The following SPOCK3 variants were observed in gnomAD, a reference collection of about 807,000 sequenced individuals.
SPOCK3 encodes SPARC (osteonectin), cwcv and kazal like domains proteoglycan 3.
A neutral mutation model predicts 56.6 loss-of-function variants in SPOCK3; 30 were observed. The observed-to-expected ratio is 0.53, with a 90% CI of 0.40 to 0.72. The LOEUF is 0.72. Ranked by LOEUF, SPOCK3 falls within the 30% of genes least tolerant of loss-of-function variation. The pLI, the probability that SPOCK3 is intolerant of heterozygous loss-of-function variation, is 0.00. For synonymous variants in SPOCK3, 196 were observed against 183.3 expected, an observed-to-expected ratio of 1.07 and a Z score of -0.56; for missense variants, 527 against 530.0, an observed-to-expected ratio of 0.99 and a Z score of 0.06.
At chr4:166,948,611 GA>G (rs1742081905) in intron 4 of SPOCK3, among the ~76,000 whole-genome samples, 1 of 152,018 alleles carries the variant, frequency 6.6e-6, no homozygotes, top group Non-Finnish European at 1.5e-5. Flanking sequence ...ATTTCCTGAT[GA>G]TTAGTATGTT....
chr4:167,002,671 T>C (rs1045618193), intron 3 of SPOCK3, among the ~76,000 whole-genome samples: 2 of 152,176 alleles, frequency 1.3e-5, no homozygotes, highest in Admixed American at 6.5e-5. Flanking sequence ...TGCTACAACA[T>C]TCTTTTCAGA....
At chr4:166,798,366 C>T (rs906507278) in intron 6 of SPOCK3, among the ~76,000 whole-genome samples, 5 of 152,138 alleles carry the variant, frequency 3.3e-5, no homozygotes, top group Admixed American at 1.3e-4. Context: ...ATGCAAAAGC[C>T]ACTGCTAATT....
In SPOCK3 at chr4:166,862,411, A is replaced by G. The variant is rs535904382; in HGVS notation, c.589+26719T>C. 2.2e-4 allele frequency among the ~76,000 whole-genome samples: 33 copies of G among 152,248 alleles called. No individual in the cohort carries two copies. The East Asian group carries it at 2.7e-3, about 12-fold the overall frequency. On this transcript the variant is annotated intron_variant, in intron 6 of 10. Transcript: ENST00000357545. ...AACAAAGAGGGAATGCACCTGTCAA[A>G]TTCATGGGCTCATACACAAGTGACA...
intron 6 of SPOCK3, among the ~76,000 whole-genome samples, chr4:166,813,632 T>C (rs1744074444): frequency 6.6e-6 from 1 of 151,886 alleles, no homozygotes; most frequent in Non-Finnish European, 1.5e-5. Context: ...AAAATATAAT[T>C]AGATATCAAT....
chr4:167,003,845 T>C (rs967272242), intron 3 of SPOCK3, among the ~76,000 whole-genome samples: 12 of 152,224 alleles, frequency 7.9e-5, no homozygotes, highest in Admixed American at 6.5e-4. Context: ...ACAACTGCCA[T>C]ATAATGTATC....
At chr4:167,159,430 G>A (rs188631073) in intron 2 of SPOCK3, among the ~76,000 whole-genome samples, 4 of 151,848 alleles carry the variant, frequency 2.6e-5, no homozygotes, top group Admixed American at 1.3e-4. Context: ...CCCTATAACC[G>A]GAGGAAAGGA....
intron 2 of SPOCK3, among the ~76,000 whole-genome samples, chr4:167,171,730 G>T (rs1249389784): frequency 2.0e-5 from 3 of 151,894 alleles, no homozygotes; most frequent in Admixed American, 2.0e-4. Flanking sequence ...ATCTAACTTT[G>T]CATTAAAATC....
chr4:166,949,291 T>A (rs2150031614), intron 4 of SPOCK3, among the ~76,000 whole-genome samples: 1 of 152,350 alleles, frequency 6.6e-6, no homozygotes, highest in East Asian at 1.9e-4. Context: ...GGTTTGAATT[T>A]CCTCCTGTAG....
At chr4:166,765,442 G>A (rs892268062) in intron 7 of SPOCK3, among the ~76,000 whole-genome samples, 6 of 152,160 alleles carry the variant, frequency 3.9e-5, no homozygotes, top group African/African-American at 1.2e-4. Context: ...ATTAAAAAGG[G>A]AATCCTTTCC....
intron 7 of SPOCK3, among the ~76,000 whole-genome samples, chr4:166,791,643 G>A (rs1187823074): frequency 6.6e-6 from 1 of 151,888 alleles, no homozygotes. Flanking sequence ...AACTTTTAGA[G>A]AATTATACTG....
intron 5 of SPOCK3, among the ~76,000 whole-genome samples, chr4:166,896,132 A>G (rs897353480): frequency 1.3e-5 from 2 of 152,140 alleles, no homozygotes; most frequent in African/African-American, 4.8e-5. Flanking sequence ...AAAGGAAGAA[A>G]CATGAGGATA....
At chr4:167,084,413 CTGAGAA>C (rs1190981887) in intron 2 of SPOCK3, among the ~76,000 whole-genome samples, 3 of 151,848 alleles carry the variant, frequency 2.0e-5, no homozygotes, top group African/African-American at 7.3e-5. Flanking sequence ...TTTTTCTTCT[CTGAGAA>C]TAAGTTCACC....
At chr4:167,000,323 G>T in intron 4 of SPOCK3, 26 bp downstream of exon 4, 1 of 1,176,060 alleles carries the variant, frequency 8.5e-7, no homozygotes, top group Non-Finnish European at 1.2e-6. Context: ...TGTTCAATCA[G>T]TGGGATTAAA....
At chr4:167,021,066 G>A (rs1198539189) in intron 3 of SPOCK3, among the ~76,000 whole-genome samples, 2 of 151,988 alleles carry the variant, frequency 1.3e-5, no homozygotes, top group Admixed American at 6.6e-5. Context: ...TATTGAAACC[G>A]ATTGATAAAA....
chr4:166,949,242 G>A (rs912266127), intron 4 of SPOCK3, among the ~76,000 whole-genome samples: 2 of 152,118 alleles, frequency 1.3e-5, no homozygotes, highest in East Asian at 1.9e-4. Flanking sequence ...TTATACATTC[G>A]TCTAAATTTT....
chr4:166,928,412 G>A (rs1239823332), intron 4 of SPOCK3, among the ~76,000 whole-genome samples: 1 of 152,162 alleles, frequency 6.6e-6, no homozygotes, highest in African/African-American at 2.4e-5. Flanking sequence ...CTTTAATGCA[G>A]TAACTGGAAG....
At chr4:167,041,386 A>G (rs1056816750) in intron 3 of SPOCK3, among the ~76,000 whole-genome samples, 1 of 152,176 alleles carries the variant, frequency 6.6e-6, no homozygotes, top group Non-Finnish European at 1.5e-5. Flanking sequence ...TTATTAAACT[A>G]TTAAATTAAC....
intron 2 of SPOCK3, among the ~76,000 whole-genome samples, chr4:167,112,724 C>A (rs897742440): frequency 6.6e-6 from 1 of 151,994 alleles, no homozygotes; most frequent in Admixed American, 6.6e-5. Flanking sequence ...TTGGAAGAAG[C>A]CTCACAAAAT....
intron 8 of SPOCK3, 137 bp downstream of exon 8, chr4:166,754,371 C>T (rs1224231353): frequency 7.2e-7 from 1 of 1,388,624 alleles, no homozygotes; most frequent in African/African-American, 1.5e-5. Flanking sequence ...TTCTTATTTG[C>T]TCTTTTATTC....
Sources: gnomAD v4.1 joint callset for allele counts (sites outside exome capture counted in the v4.1 genomes callset) on GRCh38, gnomAD v4.1.1 for gene constraint, MANE v1.5 for transcripts, NCBI Gene and HGNC (gene_info 2026-07-23, HGNC 2026-07-21) for gene names.